The following WIPF1 variants were observed in gnomAD, a reference collection of about 807,000 sequenced individuals.
WIPF1 encodes the protein WAS/WASL-interacting protein family member 1.
A neutral mutation model predicts 35.4 loss-of-function variants in WIPF1; 13 were observed. That is an observed-to-expected ratio of 0.37 (90% confidence interval 0.24 to 0.58). The LOEUF (loss-of-function observed/expected upper bound fraction) is 0.58. Ranked by LOEUF, WIPF1 falls within the 20% of genes least tolerant of loss-of-function variation. WIPF1 has a pLI of 0.74. For missense variants in WIPF1, 591 were observed against 667.0 expected (o/e 0.89, Z 1.25); for synonymous variants, 267 against 266.3 (o/e 1.00, Z -0.02).
At position 174,562,478 on chromosome 2, in the gene WIPF1, G is replaced by C; in HGVS notation, c.*69C>G. On this transcript the variant is annotated 3_prime_UTR_variant, in exon 8 of 8. Transcript: ENST00000679041. ...GAGGCACAAGGGAAGAAGCAGGGAG[G>C]AGGGTATGCAGTTCTTAGATAGCAA... 1 of 1,610,704 alleles carries C rather than the reference G, an allele frequency of 6.2e-7. No homozygotes were observed. The highest frequency in any genetic ancestry group is 8.5e-7 in the Non-Finnish European group (1 of 1,178,446).
chr2:174,620,240 C>T (rs768305287), intron 1 of WIPF1, among the ~76,000 whole-genome samples: 2 of 152,144 alleles, frequency 1.3e-5, no homozygotes, highest in Non-Finnish European at 2.9e-5. Context: ...TCTAAGGTAA[C>T]CAAAACTCAG....
chr2:174,677,765 G>C (rs767918646), intron 1 of WIPF1, among the ~76,000 whole-genome samples: 16 of 152,222 alleles, frequency 1.1e-4, no homozygotes, highest in Non-Finnish European at 1.8e-4. Context: ...CAAATGAAGA[G>C]AAGGGGCAGT....
At chr2:174,584,759 A>T (rs1276475641) in intron 2 of WIPF1, among the ~76,000 whole-genome samples, 1 of 152,178 alleles carries the variant, frequency 6.6e-6, no homozygotes, top group Admixed American at 6.5e-5. Flanking sequence ...TAAAAATACA[A>T]AAATTAGCTG....
intron 1 of WIPF1, among the ~76,000 whole-genome samples, chr2:174,611,579 A>G (rs1686348679): frequency 6.6e-6 from 1 of 152,158 alleles, no homozygotes. Flanking sequence ...CCCCACCTTC[A>G]GGCCACCTCC....
At chr2:174,618,678 TG>T (rs1015603687) in intron 1 of WIPF1, among the ~76,000 whole-genome samples, 2 of 152,192 alleles carry the variant, frequency 1.3e-5, no homozygotes, top group African/African-American at 2.4e-5. Context: ...CTGATGCTGA[TG>T]AACAGACAAG....
In WIPF1 at chr2:174,560,863, T is replaced by C. The variant is rs1248920555; in HGVS notation, c.*1684A>G. ...AACATTTATTCTATAAATAGAAATG[T>C]ATTTTTCAGAATTTTCTTTGGGTTG... On this transcript the variant is annotated 3_prime_UTR_variant, in exon 8 of 8. Transcript: ENST00000679041. 6.6e-6 allele frequency: 1 copy of C among 152,620 alleles called. No individual in the cohort carries two copies. The highest frequency in any genetic ancestry group is 1.5e-5 in the Non-Finnish European group (1 of 68,042). 9.5% of individuals were successfully genotyped at this position (152,620 alleles called of 1,614,324 possible).
intron 1 of WIPF1, among the ~76,000 whole-genome samples, chr2:174,637,701 G>A (rs1473187858): frequency 6.6e-6 from 1 of 152,174 alleles, no homozygotes; most frequent in Non-Finnish European, 1.5e-5. Context: ...GCAGGAGAAC[G>A]GTGTGAACCC....
chr2:174,655,577 AG>A (rs1009471876), intron 1 of WIPF1: 1 of 152,214 alleles, frequency 6.6e-6, no homozygotes, highest in African/African-American at 2.4e-5. Context: ...GTTCCATGAA[AG>A]GGCCATGTTT....
intron 1 of WIPF1, among the ~76,000 whole-genome samples, chr2:174,625,275 G>C (rs993202633): frequency 2.6e-5 from 4 of 152,168 alleles, no homozygotes; most frequent in Admixed American, 1.3e-4. Flanking sequence ...GAAAAGACTT[G>C]GCTCATGAAT....
intron 1 of WIPF1, among the ~76,000 whole-genome samples, chr2:174,616,707 T>C (rs1686515602): frequency 6.6e-6 from 1 of 152,234 alleles, no homozygotes; most frequent in African/African-American, 2.4e-5. Flanking sequence ...TTGAAAATTA[T>C]TTAGAGTTTT....
intron 1 of WIPF1, among the ~76,000 whole-genome samples, chr2:174,639,321 T>A (rs1313686212): frequency 1.3e-5 from 2 of 152,208 alleles, no homozygotes; most frequent in Non-Finnish European, 2.9e-5. Context: ...TGTGGCATGA[T>A]CATAGCTCAC....
intron 4 of WIPF1, among the ~76,000 whole-genome samples, chr2:174,574,511 G>A (rs191821539): frequency 1.2e-3 from 186 of 152,296 alleles, no homozygotes; most frequent in Middle Eastern, 3.4e-3. Flanking sequence ...ATTATAACAT[G>A]ATCAACATTA....
chr2:174,664,146 C>A (rs1687837821), intron 1 of WIPF1, among the ~76,000 whole-genome samples: 1 of 152,228 alleles, frequency 6.6e-6, no homozygotes, highest in South Asian at 2.1e-4. Flanking sequence ...CTCACACACA[C>A]ACACACACCC....
intron 1 of WIPF1, among the ~76,000 whole-genome samples, chr2:174,620,777 G>C (rs1349840174): frequency 1.3e-5 from 2 of 152,186 alleles, no homozygotes; most frequent in Admixed American, 1.3e-4. Flanking sequence ...ATGATGCCGT[G>C]GGGGTGCCGG....
intron 1 of WIPF1, among the ~76,000 whole-genome samples, chr2:174,645,587 T>C (rs976632527): frequency 6.6e-6 from 1 of 152,208 alleles, no homozygotes; most frequent in Non-Finnish European, 1.5e-5. Flanking sequence ...AGCCAGCAAA[T>C]GCTGTTTCTG....
chr2:174,682,032 T>G (rs73973329), intron 1 of WIPF1, among the ~76,000 whole-genome samples: 164 of 152,372 alleles, frequency 1.1e-3, no homozygotes, highest in Middle Eastern at 6.8e-3. Context: ...CTAACAGTTC[T>G]TTCTTTAAAA....
chr2:174,679,938 G>T (rs1429432298), intron 1 of WIPF1, among the ~76,000 whole-genome samples: 1 of 152,246 alleles, frequency 6.6e-6, no homozygotes, highest in Admixed American at 6.5e-5. Context: ...TTGGAGAAGA[G>T]ATGGTGGGAC....
At chr2:174,636,590 A>G (rs1230859989) in intron 1 of WIPF1, among the ~76,000 whole-genome samples, 1 of 152,172 alleles carries the variant, frequency 6.6e-6, no homozygotes, top group Non-Finnish European at 1.5e-5. Flanking sequence ...GCTGTCCTTT[A>G]TCTGTTCCAG....
chr2:174,596,912 T>C (rs1441508250), intron 1 of WIPF1, among the ~76,000 whole-genome samples: 1 of 152,254 alleles, frequency 6.6e-6, no homozygotes, highest in East Asian at 1.9e-4. Context: ...AGTTCTGCTC[T>C]ATAAGCCTCT....
Sources: allele counts gnomAD v4.1 joint callset (sites outside exome capture counted in the v4.1 genomes callset), GRCh38; gene constraint gnomAD v4.1.1; transcripts MANE v1.5; gene names NCBI Gene and HGNC (gene_info 2026-07-23, HGNC 2026-07-21).